The following CNTN5 variants were observed in gnomAD, a reference collection of about 807,000 sequenced individuals.
CNTN5 encodes contactin-5.
Under a neutral mutation model 129.1 loss-of-function variants are expected in CNTN5, and 77 were observed. The ratio of observed to expected loss-of-function variants is 0.60; its 90% CI spans 0.50 to 0.72. The LOEUF is 0.72. CNTN5 is among the 30% of genes least tolerant of loss of function. CNTN5 has a pLI of 0.00. For missense variants in CNTN5, 1,478 were observed against 1,328.8 expected, an observed-to-expected ratio of 1.11 and a Z score of -1.75; for synonymous variants, 509 against 465.6, an observed-to-expected ratio of 1.09 and a Z score of -1.20.
chr11:100,033,746 G>C (rs1005800805), intron 9 of CNTN5, among the ~76,000 whole-genome samples: 1 of 152,102 alleles, frequency 6.6e-6, no homozygotes, highest in Non-Finnish European at 1.5e-5. Context: ...ATTTTCCCTA[G>C]CCTTACTTAG....
intron 8 of CNTN5, among the ~76,000 whole-genome samples, chr11:99,998,797 C>A (rs1305973799): frequency 2.0e-5 from 3 of 150,586 alleles, no homozygotes; most frequent in Non-Finnish European, 4.4e-5. Context: ...GGTACTGGTA[C>A]CAAAACAGAG....
chr11:100,346,175 T>C (rs896836624), intron 23 of CNTN5, among the ~76,000 whole-genome samples: 2 of 152,134 alleles, frequency 1.3e-5, no homozygotes, highest in Non-Finnish European at 2.9e-5. Context: ...TTCAAATAAA[T>C]GTTTTTAAAC....
chr11:100,154,004 A>G (rs1401793429), intron 13 of CNTN5, among the ~76,000 whole-genome samples: 1 of 152,088 alleles, frequency 6.6e-6, no homozygotes. Flanking sequence ...TAGCAATTTT[A>G]TCACATTTCT....
At chr11:99,133,949 C>T (rs150978648) in intron 1 of CNTN5, among the ~76,000 whole-genome samples, 2,029 of 152,244 alleles carry the variant, frequency 0.013, 46 homozygotes, top group African/African-American at 0.046. Flanking sequence ...TACAAAGATA[C>T]ATGCACATGT....
chr11:99,520,373 C>T (rs941037788), intron 2 of CNTN5, among the ~76,000 whole-genome samples: 7 of 152,098 alleles, frequency 4.6e-5, no homozygotes, highest in African/African-American at 1.4e-4. Flanking sequence ...CCCCAATCCT[C>T]ATCAGTGATA....
intron 3 of CNTN5, among the ~76,000 whole-genome samples, chr11:99,680,784 T>C (rs935880942): frequency 6.6e-6 from 1 of 152,058 alleles, no homozygotes; most frequent in African/African-American, 2.4e-5. Context: ...GCTATAGTCT[T>C]ATGCAACATA....
intron 3 of CNTN5, among the ~76,000 whole-genome samples, chr11:99,612,634 C>T (rs369817386): frequency 1.6e-3 from 249 of 152,238 alleles, no homozygotes; most frequent in Non-Finnish European, 1.5e-3. Flanking sequence ...TCCAAAGCTG[C>T]CTTTACAAAA....
intron 1 of CNTN5, among the ~76,000 whole-genome samples, chr11:99,065,833 T>G (rs953563658): frequency 4.6e-5 from 7 of 152,116 alleles, no homozygotes; most frequent in African/African-American, 1.4e-4. Flanking sequence ...ATAAATACAG[T>G]GAATGTTGGA....
At chr11:99,165,687 T>G (rs1315706071) in intron 1 of CNTN5, among the ~76,000 whole-genome samples, 1 of 151,974 alleles carries the variant, frequency 6.6e-6, no homozygotes, top group African/African-American at 2.4e-5. Context: ...GAATGCAGGG[T>G]TTTTGCATTT....
chr11:100,251,771 A>T (rs556040936), intron 16 of CNTN5, among the ~76,000 whole-genome samples: 3 of 152,178 alleles, frequency 2.0e-5, no homozygotes, highest in Non-Finnish European at 4.4e-5. Flanking sequence ...ATGGCTGAAT[A>T]GTATTCCATG....
chr11:99,887,740 T>A (rs1948936988), intron 6 of CNTN5, among the ~76,000 whole-genome samples: 1 of 152,214 alleles, frequency 6.6e-6, no homozygotes, highest in Non-Finnish European at 1.5e-5. Context: ...GAGTCTGATG[T>A]TTGAGATCAG....
intron 3 of CNTN5, among the ~76,000 whole-genome samples, chr11:99,624,434 T>A (rs1951058929): frequency 6.6e-6 from 1 of 152,176 alleles, no homozygotes; most frequent in Non-Finnish European, 1.5e-5. Flanking sequence ...ACAAGTTGCA[T>A]TTGTTTTTTG....
chr11:99,072,322 A>G (rs1273102466), intron 1 of CNTN5, among the ~76,000 whole-genome samples: 1 of 152,110 alleles, frequency 6.6e-6, no homozygotes, highest in Non-Finnish European at 1.5e-5. Context: ...AAACCAATTC[A>G]TTTGCATAGT....
At position 100,191,255 on chromosome 11, in the gene CNTN5, T is replaced by C; in HGVS notation, c.1708+2T>C. ...TTATAGCTTCGCTATCTGTAAAAGG[T>C]AAGACAGCACGGGTAAATGTTTTAC... On this transcript the variant is annotated splice_donor_variant, in intron 14 of 24. Coordinates refer to ENST00000524871, the MANE Select transcript of CNTN5 (RefSeq NM_014361.4). LOFTEE classifies it high-confidence loss of function. The C allele has an allele frequency of 6.2e-7, 1 of 1,611,028 alleles. No homozygotes were observed. The highest frequency in any genetic ancestry group is 1.3e-5 in the African/African-American group (1 of 74,864).
intron 3 of CNTN5, among the ~76,000 whole-genome samples, chr11:99,559,681 A>T (rs1458969400): frequency 6.6e-6 from 1 of 152,204 alleles, no homozygotes; most frequent in Non-Finnish European, 1.5e-5. Flanking sequence ...TTGTCATATG[A>T]TCAAACAGTA....
chr11:99,097,951 G>A (rs1450138393), intron 1 of CNTN5, among the ~76,000 whole-genome samples: 1 of 151,806 alleles, frequency 6.6e-6, no homozygotes, highest in Non-Finnish European at 1.5e-5. Flanking sequence ...AAAACAATTA[G>A]GTGGGAATTA....
chr11:99,387,095 G>T (rs575709201), intron 2 of CNTN5, among the ~76,000 whole-genome samples: 1 of 152,062 alleles, frequency 6.6e-6, no homozygotes, highest in African/African-American at 2.4e-5. Context: ...CTTTCTAACC[G>T]CATATTCTCT....
chr11:99,506,183 C>T (rs1553515), intron 2 of CNTN5, among the ~76,000 whole-genome samples: 7,812 of 152,230 alleles, frequency 0.051, 205 homozygotes, highest in South Asian at 0.085. Context: ...TCCTCATGCT[C>T]ATCATTTCTT....
At chr11:100,238,408 C>CA (rs201855934) in intron 16 of CNTN5, among the ~76,000 whole-genome samples, 9,707 of 70,728 alleles carry the variant, frequency 0.14, 762 homozygotes, top group East Asian at 0.37. Context: ...CCTCACTTGT[C>CA]AAAAAAAAAA....
Sources: allele counts gnomAD v4.1 joint callset (sites outside exome capture counted in the v4.1 genomes callset), GRCh38; gene constraint gnomAD v4.1.1; transcripts MANE v1.5; gene names NCBI Gene and HGNC (gene_info 2026-07-23, HGNC 2026-07-21).